Variants in NUP153 observed in about 807,000 individuals in gnomAD.
NUP153 encodes nucleoporin 153.
A neutral mutation model predicts 134.6 loss-of-function variants in NUP153; 27 were observed. That is an observed-to-expected ratio of 0.20 (90% confidence interval 0.15 to 0.28). NUP153 has a LOEUF of 0.28. Ranked by LOEUF, NUP153 falls within the 10% of genes least tolerant of loss-of-function variation. The pLI is 1.00. For missense variants in NUP153, 1,821 were observed against 1,731.3 expected, an observed-to-expected ratio of 1.05 and a Z score of -0.92; for synonymous variants, 640 against 623.5, an observed-to-expected ratio of 1.03 and a Z score of -0.40.
At chr6:17,652,120 C>A (rs574200690) in intron 11 of NUP153, among the ~76,000 whole-genome samples, 18 of 152,156 alleles carry the variant, frequency 1.2e-4, no homozygotes, top group African/African-American at 4.1e-4. Flanking sequence ...GCAATTTTAA[C>A]CCCCATCTCT....
chr6:17,674,666 A>G (rs1768110369), intron 5 of NUP153, among the ~76,000 whole-genome samples: 1 of 152,284 alleles, frequency 6.6e-6, no homozygotes, highest in East Asian at 1.9e-4. Flanking sequence ...GCTACTTGGG[A>G]GGCTAAGGCA....
rs112101308 is a variant in NUP153, at chr6:17,637,165, A to G, written c.2452T>C (p.Ser818Pro). 6.2e-7 allele frequency: 1 copy of G among 1,603,886 alleles called. No individual in the cohort carries two copies. Among genetic ancestry groups the G allele is most frequent in the Non-Finnish European group, 8.5e-7 (1 of 1,171,802 alleles). Reference protein sequence around the residue: ...AEDNKCVSCMSEKPGSSVPAS... With the variant: ...AEDNKCVSCMPEKPGSSVPAS... ...GCCAAAAACATACCTGGTTTCTCAGACATACAGGACACACACTTATTGTCT... is the reference window on the plus strand; with the variant it reads ...GCCAAAAACATACCTGGTTTCTCAGGCATACAGGACACACACTTATTGTCT... Residue 818 changes from serine to proline, a missense_variant, in exon 16 of 22, where the codon TCT (serine) becomes CCT (proline). Physicochemically the swap from Ser to Pro is moderately conservative, Grantham distance 74. Transcript: ENST00000262077.
At chr6:17,626,918 T>G (rs977656694) in intron 18 of NUP153, among the ~76,000 whole-genome samples, 1 of 152,238 alleles carries the variant, frequency 6.6e-6, no homozygotes, top group Non-Finnish European at 1.5e-5. Context: ...CTTTTAGTTA[T>G]TTGGCATGTT....
chr6:17,694,099 C>T (rs1180510859), intron 1 of NUP153, among the ~76,000 whole-genome samples: 4 of 152,048 alleles, frequency 2.6e-5, no homozygotes, highest in Admixed American at 6.6e-5. Flanking sequence ...TATGTTTATG[C>T]GTTACATATT....
Position 17,637,304 on chromosome 6 carries a change from A to C in NUP153, c.2313T>G (p.Thr771=). 1 of 1,614,244 alleles carries C rather than the reference A, an allele frequency of 6.2e-7. No individual in the cohort carries two copies. Among genetic ancestry groups the C allele is most frequent in the South Asian group, 1.1e-5 (1 of 91,092 alleles). ...TTACAGTGCAGCTGGAAGATGAAGC[A>C]GTCATAGTCTCAGCACTTTCCGAAA... The part of the protein sequence containing the change: ...TVVSESAETM[T]ASSSSCTVTT... The change falls in exon 16 of 22, where the codon ACT becomes ACG. Residue 771 remains threonine (T), a synonymous_variant. Transcript: ENST00000262077.
rs12213110 is a variant in NUP153 at position 17,619,028 on chromosome 6, T to C, written c.4175-2333A>G. Among the ~76,000 whole-genome samples the C allele has an allele frequency of 8.9e-3, 1,350 of 152,168 alleles. 10 individuals carry two copies. Among genetic ancestry groups the C allele is most frequent in the Non-Finnish European group, 0.014 (938 of 67,990 alleles). ...AAGTTCACAAAAGAGCATGCTGCACTCCCTACACAAACGATAAAAACAAAC... is the reference window on the plus strand; with the variant it reads ...AAGTTCACAAAAGAGCATGCTGCACCCCCTACACAAACGATAAAAACAAAC... On this transcript the variant is annotated intron_variant, in intron 20 of 21. Transcript: ENST00000262077.
rs1554148666 is a variant in NUP153, at chr6:17,701,844, G to GGGGGGGA, written c.111+4432_111+4433insTCCCCCC. Among the ~76,000 whole-genome samples, 17 of 81,740 alleles carry GGGGGGGA rather than the reference G, an allele frequency of 2.1e-4. 1 individual carries two copies. Among genetic ancestry groups the GGGGGGGA allele is most frequent in the African/African-American group, 5.2e-4 (12 of 23,188 alleles). 53.6% of individuals were successfully genotyped at this position (81,740 alleles called of 152,430 possible). On this transcript the variant is annotated intron_variant, in intron 1 of 21. Transcript: ENST00000262077. ...CAAGACTCTGTCTCGGGGGGGGGGG[G>GGGGGGGA]AAAAAAGCTAAATGCAGGAACTGAC...
At chr6:17,694,835 C>T (rs1345323185) in intron 1 of NUP153, among the ~76,000 whole-genome samples, 3 of 151,772 alleles carry the variant, frequency 2.0e-5, no homozygotes, top group Non-Finnish European at 4.4e-5. Flanking sequence ...AAAAAGTAGC[C>T]GGGCATGGTG....
intron 13 of NUP153, 136 bp downstream of exon 13, chr6:17,647,671 T>C: frequency 1.6e-6 from 1 of 616,794 alleles, no homozygotes. Context: ...TGTTCAAAAG[T>C]TTTTTACACA....
intron 2 of NUP153, among the ~76,000 whole-genome samples, chr6:17,684,707 T>C (rs1768805845): frequency 1.3e-5 from 2 of 152,184 alleles, no homozygotes; most frequent in South Asian, 4.1e-4. Flanking sequence ...TAAACTTACA[T>C]ACTTACAGCT....
chr6:17,639,915 A>G, intron 15 of NUP153, 24 bp downstream of exon 15: 1 of 1,581,814 alleles, frequency 6.3e-7, no homozygotes, highest in Non-Finnish European at 8.6e-7. Context: ...TGTAATCAAA[A>G]GGCTTATCTT....
chr6:17,661,694 C>G lies in NUP153; in HGVS notation c.1354G>C (p.Glu452Gln). 6.2e-7 allele frequency: 1 copy of G among 1,613,990 alleles called. No individual in the cohort carries two copies. The change falls in exon 11 of 22, where the codon GAA becomes CAA. Residue 452 changes from glutamate (E) to glutamine (Q), a missense_variant. Transcript: ENST00000262077. ...TTAGAAGCAACAAAGCGTGTTCTTT[C>G]TCGTCTCATCTTGCCACCTCCACCA... ...VGGGGGKMRR[E>Q]RTRFVASKPL...
intron 1 of NUP153, among the ~76,000 whole-genome samples, chr6:17,691,539 T>C (rs191631628): frequency 1.5e-3 from 230 of 152,224 alleles, no homozygotes; most frequent in African/African-American, 5.3e-3. Context: ...CCGAGTCTGG[T>C]GGATCACTTG....
chr6:17,623,129 CAA>C (rs71002235), intron 20 of NUP153, among the ~76,000 whole-genome samples: 24 of 72,960 alleles, frequency 3.3e-4, no homozygotes, highest in African/African-American at 2.1e-4. Context: ...GATTCTGTCT[CAA>C]AAAAAAAAAA....
chr6:17,637,232 T>G lies in NUP153; in HGVS notation c.2385A>C (p.Gly795=). 1 of 1,614,146 alleles carries G rather than the reference T, an allele frequency of 6.2e-7. No homozygotes were observed. Among genetic ancestry groups the G allele is most frequent in the Non-Finnish European group, 8.5e-7 (1 of 1,180,010 alleles). The part of the protein sequence containing the change: ...GFGDKFKRPI[G]SWECSVCCVS... The stretch of plus-strand genomic sequence containing the variant: ...CACAGCATACTGAACACTCCCAAGA[T>G]CCAATGGGCCTTTTGAATTTATCTC... Residue 795 remains glycine, a synonymous_variant, in exon 16 of 22, where the codon GGA becomes GGC. Transcript: ENST00000262077.
chr6:17,698,906 G>A (rs1032532609), intron 1 of NUP153, among the ~76,000 whole-genome samples: 2 of 150,804 alleles, frequency 1.3e-5, no homozygotes, highest in Admixed American at 6.6e-5. Context: ...AAAGCTCACA[G>A]TAGTTAAACT....
chr6:17,673,681 T>C (rs145528364), intron 5 of NUP153, among the ~76,000 whole-genome samples: 4 of 152,186 alleles, frequency 2.6e-5, no homozygotes, highest in South Asian at 2.1e-4. Flanking sequence ...CCTACTAGAA[T>C]AGCAAAAACA....
In NUP153 at chr6:17,706,297, G is replaced by C; in HGVS notation, c.91C>G (p.Gln31Glu). Residue 31 changes from glutamine (Q) to glutamate (E), a missense_variant, in exon 1 of 22, where the codon CAG becomes GAG. By Grantham distance (29) the Gln-to-Glu change is conservative. Coordinates refer to ENST00000262077, the MANE Select transcript of NUP153 (RefSeq NM_005124.4). This position sits in a 1 kb window ranked among gnomAD's most constrained non-coding sequence, Gnocchi z 5.9. ...CATACCTGATGCTGTTGTCGCCCCT[G>C]CTGGTAAGGCTTAATTGGCCCCTGG... The part of the protein sequence containing the change: ...CHQGPIKPYQ[Q>E]GRQQHQGILS... 1 of 1,613,552 alleles carries C rather than the reference G, an allele frequency of 6.2e-7. No individual in the cohort carries two copies. Among genetic ancestry groups the C allele is most frequent in the Non-Finnish European group, 8.5e-7 (1 of 1,179,632 alleles).
chr6:17,628,639 A>C lies in NUP153; in HGVS notation c.3544+16T>G. On this transcript the variant is annotated intron_variant, in intron 18 of 21. Transcript: ENST00000262077. This position sits in a 1 kb window ranked among gnomAD's most constrained non-coding sequence, Gnocchi z 5.4. Reference sequence around the variant, plus strand: ...AAAAAAAATAATAATAATAATAATAAAAAGTTAATACTTACCAGCTGTAGT... The same window carrying C: ...AAAAAAAATAATAATAATAATAATACAAAGTTAATACTTACCAGCTGTAGT... The C allele has an allele frequency of 7.9e-7, 1 of 1,268,068 alleles. No homozygotes were observed. The highest frequency in any genetic ancestry group is 1.0e-6 in the Non-Finnish European group (1 of 996,960). 78.6% of individuals were successfully genotyped at this position (1,268,068 alleles called of 1,614,324 possible).
Sources: gnomAD v4.1 joint callset for allele counts (sites outside exome capture counted in the v4.1 genomes callset) on GRCh38, gnomAD v4.1.1 for gene constraint, Gnocchi (gnomAD v3.1) non-coding constraint, MANE v1.5 for transcripts, NCBI Gene and HGNC (gene_info 2026-07-23, HGNC 2026-07-21) for gene names.